ABAT: variants seen among roughly 807,000 people sequenced by gnomAD.
The protein encoded by ABAT is 4-aminobutyrate aminotransferase, mitochondrial.
ABAT carries 45 observed loss-of-function variants against 64.6 expected under a neutral mutation model. The ratio of observed to expected loss-of-function variants is 0.70; its 90% confidence interval spans 0.55 to 0.89. The LOEUF is 0.89. Among genes scored for constraint, ABAT ranks in the 40% least tolerant of loss-of-function variants. ABAT has a pLI of 0.00. For synonymous variants in ABAT, 297 were observed against 250.5 expected (o/e 1.19, Z -1.75); for missense variants, 633 against 658.4 (o/e 0.96, Z 0.42).
chr16:8,757,941 C>A, intron 6 of ABAT, 135 bp downstream of exon 6: 1 of 1,048,188 alleles, frequency 9.5e-7, no homozygotes, highest in Non-Finnish European at 1.5e-6. Flanking sequence ...ATACTATGTG[C>A]CAGGTATGTG....
chr16:8,757,062 C>T (rs529193994), intron 5 of ABAT: 7 of 428,050 alleles, frequency 1.6e-5, no homozygotes, highest in East Asian at 7.3e-5. Flanking sequence ...AGCCCATGGG[C>T]GCTGGGAAGG....
intron 1 of ABAT, among the ~76,000 whole-genome samples, chr16:8,723,689 T>TGA (rs1189565278): frequency 6.6e-6 from 1 of 151,650 alleles, no homozygotes; most frequent in African/African-American, 2.4e-5. Context: ...AACCCTGCAG[T>TGA]GAGAGAGGCA....
chr16:8,710,343 A>G (rs972839972), intron 1 of ABAT, among the ~76,000 whole-genome samples: 6 of 152,198 alleles, frequency 3.9e-5, no homozygotes, highest in Non-Finnish European at 8.8e-5. Context: ...GAATAACAGT[A>G]ACTCTCATTG....
In ABAT at chr16:8,757,793, A is replaced by T; in HGVS notation, c.353A>T (p.Gln118Leu). Residue 118 changes from glutamine (Q) to leucine (L), a missense_variant, in exon 6 of 16, where the codon CAG becomes CTG. Transcript: ENST00000268251. The stretch of plus-strand genomic sequence containing the variant: ...CCCGCCCTGCTGAAACTCATCCAAC[A>T]GCCTCAAAATGCGGTAGGTCTTGGG... ...SHPALLKLIQ[Q>L]PQNASMFVNR... 6.2e-7 allele frequency: 1 copy of T among 1,614,128 alleles called. No homozygotes were observed. Among genetic ancestry groups the T allele is most frequent in the South Asian group, 1.1e-5 (1 of 91,084 alleles).
At chr16:8,755,178 G>T (rs2059615426) in intron 5 of ABAT, among the ~76,000 whole-genome samples, 1 of 151,938 alleles carries the variant, frequency 6.6e-6, no homozygotes, top group Non-Finnish European at 1.5e-5. Flanking sequence ...GTCAAGTCCT[G>T]GTTGGCCCCA....
chr16:8,752,157 CTATT>C (rs1348706066), intron 5 of ABAT, among the ~76,000 whole-genome samples: 1 of 152,226 alleles, frequency 6.6e-6, no homozygotes, highest in Non-Finnish European at 1.5e-5. Context: ...TTCCTCACAC[CTATT>C]TATTTGCCAC....
intron 1 of ABAT, among the ~76,000 whole-genome samples, chr16:8,728,987 A>G (rs922444245): frequency 2.0e-5 from 3 of 152,158 alleles, no homozygotes; most frequent in Admixed American, 6.5e-5. Flanking sequence ...GAACTACGTC[A>G]TTTTTATTCA....
chr16:8,674,953 G>A (rs1281130392), intron 1 of ABAT, among the ~76,000 whole-genome samples: 1 of 152,020 alleles, frequency 6.6e-6, no homozygotes, highest in East Asian at 1.9e-4. Flanking sequence ...CTAGACAGAA[G>A]TCCTCTCCCT....
chr16:8,700,019 C>T (rs1302493875), intron 1 of ABAT, among the ~76,000 whole-genome samples: 1 of 151,982 alleles, frequency 6.6e-6, no homozygotes, highest in Non-Finnish European at 1.5e-5. Flanking sequence ...CTGAGTTATA[C>T]GATGTTGCCC....
chr16:8,775,995 A>G (rs1458350551), intron 13 of ABAT, among the ~76,000 whole-genome samples: 1 of 152,144 alleles, frequency 6.6e-6, no homozygotes, highest in African/African-American at 2.4e-5. Flanking sequence ...CCAGAACCTC[A>G]GCTTCCTCCT....
intron 1 of ABAT, among the ~76,000 whole-genome samples, chr16:8,723,843 T>A (rs1596420612): frequency 1.8e-5 from 2 of 108,608 alleles, no homozygotes; most frequent in Admixed American, 9.3e-5. Flanking sequence ...TTTTTTTTTT[T>A]TTTTTTTTTT....
rs2060434628 is a variant in ABAT at position 8,781,376 on chromosome 16, C to A, written c.1449C>A (p.His483Gln). 2 of 1,614,100 alleles carry A rather than the reference C, an allele frequency of 1.2e-6. No homozygotes were observed. Among genetic ancestry groups the A allele is most frequent in the Non-Finnish European group, 8.5e-7 (1 of 1,179,994 alleles). The change falls in exon 16 of 16, where the codon CAC (histidine) becomes CAA (glutamine). Residue 483 changes from histidine to glutamine, a missense_variant. His to Gln is a conservative substitution (Grantham distance 24). Coordinates refer to ENST00000268251, the MANE Select transcript of ABAT (RefSeq NM_020686.6). The surrounding 1 kb of genome is among the most constrained non-coding windows in gnomAD (Gnocchi z 4.5). The stretch of plus-strand genomic sequence containing the variant: ...GTCCCACGCTGGTCTTCAGGGATCA[C>A]CACGCTCACCTGTTCCTCAATATTT... ...RFRPTLVFRD[H>Q]HAHLFLNIFS...
Position 8,764,761 on chromosome 16 carries a change from G to T in ABAT, c.471G>T (p.Gln157His), listed in dbSNP as rs762337644. 2.5e-6 allele frequency: 4 copies of T among 1,613,988 alleles called. No homozygotes were observed. The highest frequency in any genetic ancestry group is 3.4e-6 in the Non-Finnish European group (4 of 1,180,036). The change falls in exon 8 of 16, where the codon CAG becomes CAT. Residue 157 changes from glutamine (Q) to histidine (H), a missense_variant. Transcript: ENST00000268251. The surrounding 1 kb of genome is among the most constrained non-coding windows in gnomAD (Gnocchi z 4.2). The stretch of plus-strand genomic sequence containing the variant: ...AGGTGGCTCCCAAAGGGATGTCCCA[G>T]CTCATCACCATGGCCTGCGGCTCCT... Reference protein sequence around the residue: ...LLSVAPKGMSQLITMACGSCS... With the variant: ...LLSVAPKGMSHLITMACGSCS...
At chr16:8,700,451 G>T (rs2057796503) in intron 1 of ABAT, among the ~76,000 whole-genome samples, 2 of 152,036 alleles carry the variant, frequency 1.3e-5, no homozygotes, top group Admixed American at 1.3e-4. Context: ...CCCCCAGAAA[G>T]TTCCCTCATA....
At position 8,735,803 on chromosome 16, in the gene ABAT, G is replaced by C. The variant is rs762710511; in HGVS notation, c.64G>C (p.Val22Leu). 5.0e-6 allele frequency: 8 copies of C among 1,603,704 alleles called. No homozygotes were observed. The highest frequency in any genetic ancestry group is 4.0e-5 in the African/African-American group (3 of 74,840). Residue 22 changes from valine (V) to leucine (L), a missense_variant, in exon 2 of 16, where the codon GTG becomes CTG. Val to Leu is a conservative substitution (Grantham distance 32). Coordinates refer to ENST00000268251, the MANE Select transcript of ABAT (RefSeq NM_020686.6). ...CSFQHSYRLL[V>L]PGSRHISQAA... Reference sequence around the variant, plus strand: ...CTTCCAGCACAGCTACCGCCTGCTGGTGCCTGGTAAGCCCCGGGGGTCTTG... The same window carrying C: ...CTTCCAGCACAGCTACCGCCTGCTGCTGCCTGGTAAGCCCCGGGGGTCTTG...
chr16:8,772,779 G>T lies in ABAT; in HGVS notation c.817-1G>T, dbSNP rs1428777126. 6.2e-7 allele frequency: 1 copy of T among 1,614,124 alleles called. No homozygotes were observed. ...TGGTCACTTTCCCCTTTGGGATCCA[G>T]GTGGAGGATCTGATTGTGAAATATC... is the stretch of plus-strand genomic sequence containing the variant. On this transcript the variant is annotated splice_acceptor_variant, in intron 11 of 15. Coordinates refer to ENST00000268251, the MANE Select transcript of ABAT (RefSeq NM_020686.6). LOFTEE classifies it high-confidence loss of function.
intron 2 of ABAT, among the ~76,000 whole-genome samples, chr16:8,745,628 G>C (rs1287417098): frequency 6.6e-6 from 1 of 152,018 alleles, no homozygotes; most frequent in Non-Finnish European, 1.5e-5. Flanking sequence ...GCCTTTGGAG[G>C]TCAGGGGTGC....
rs78371085 is a variant in ABAT at position 8,780,765 on chromosome 16, A to T, written c.1382-544A>T. On this transcript the variant is annotated intron_variant, in intron 15 of 15. Transcript: ENST00000268251. ...GTGACAGCGCGAGACTCCATCTCTAAAAAAAAAAAAAAAAAAGGCATAAAC... is the reference window on the plus strand; with the variant it reads ...GTGACAGCGCGAGACTCCATCTCTATAAAAAAAAAAAAAAAAGGCATAAAC... The T allele has an allele frequency of 6.8e-3, 386 of 56,770 alleles. 1 individual carries two copies. The highest frequency in any genetic ancestry group is 0.011 in the South Asian group (24 of 2,100). 3.5% of individuals were successfully genotyped at this position (56,770 alleles called of 1,614,324 possible). A position where few individuals can be genotyped will look rare whatever the true frequency, so the allele number is the denominator to read the frequency against.
intron 2 of ABAT, among the ~76,000 whole-genome samples, chr16:8,745,274 A>C (rs1332511152): frequency 6.6e-6 from 1 of 152,114 alleles, no homozygotes; most frequent in Admixed American, 6.6e-5. Context: ...GAGCGACCCC[A>C]TCTGGCCCTC....
Sources: allele counts gnomAD v4.1 joint callset (sites outside exome capture counted in the v4.1 genomes callset), GRCh38; gene constraint gnomAD v4.1.1; non-coding constraint Gnocchi (gnomAD v3.1); transcripts MANE v1.5; gene names NCBI Gene and HGNC (gene_info 2026-07-23, HGNC 2026-07-21).